The following TLN2 variants were observed in gnomAD, a reference collection of about 807,000 sequenced individuals.
The protein encoded by TLN2 is talin 2, also known as talin-2.
Under a neutral mutation model 294.7 loss-of-function variants are expected in TLN2, and 118 were observed. That is an observed-to-expected ratio of 0.40 (90% CI 0.34 to 0.47). TLN2 has a LOEUF of 0.47. Ranked by LOEUF, TLN2 falls within the 20% of genes least tolerant of loss-of-function variation. The probability of loss-of-function intolerance (pLI) is 0.84; values close to 1 mark genes in which losing one functional copy is unlikely to be tolerated. For synonymous variants in TLN2, 1,431 were observed against 1,304.5 expected (o/e 1.10, Z -2.09); for missense variants, 3,083 against 3,282.2 (o/e 0.94, Z 1.48).
chr15:62,659,554 C>G lies in TLN2; in HGVS notation c.788+1656C>G, dbSNP rs141849608. Among the ~76,000 whole-genome samples the G allele has an allele frequency of 1.3e-3, 194 of 152,250 alleles. 1 individual carries two copies. The highest frequency in any genetic ancestry group is 4.5e-3 in the Admixed American group (69 of 15,296). On this transcript the variant is annotated intron_variant, in intron 9 of 58. Transcript: ENST00000636159. ...AAAATTAGGTCCTGCAGTTTGTGGT[C>G]CTATTGAATGCTCCACACTCACACT...
chr15:62,797,903 A>T lies in TLN2; in HGVS notation c.6234+501A>T, dbSNP rs74801318. On this transcript the variant is annotated intron_variant, in intron 48 of 58. Transcript: ENST00000636159. ...AGCGACTGCAACCACACGAGAGGAA[A>T]AGCCAGGGAGTCGGGGCAGAGCCTG... Among the ~76,000 whole-genome samples, 644 of 152,256 alleles carry T rather than the reference A, an allele frequency of 4.2e-3. 5 individuals are homozygous for T. Among genetic ancestry groups the T allele is most frequent in the African/African-American group, 0.014 (586 of 41,554 alleles).
chr15:62,663,977 CTAAT>C (rs1337037228), intron 9 of TLN2, among the ~76,000 whole-genome samples: 1 of 151,852 alleles, frequency 6.6e-6, no homozygotes, highest in Non-Finnish European at 1.5e-5. Flanking sequence ...ATGGTAAAGA[CTAAT>C]TGAAGATATA....
intron 52 of TLN2, among the ~76,000 whole-genome samples, 162 bp downstream of exon 52, chr15:62,810,194 A>G (rs2066583294): frequency 6.6e-6 from 1 of 152,156 alleles, no homozygotes; most frequent in African/African-American, 2.4e-5. Flanking sequence ...TGATGCACTG[A>G]TCCGGCACAC....
intron 45 of TLN2, among the ~76,000 whole-genome samples, chr15:62,790,870 C>G (rs751955007): frequency 8.5e-5 from 13 of 152,256 alleles, no homozygotes; most frequent in Non-Finnish European, 1.5e-4. Context: ...TACTACTACA[C>G]CAGTCCAGAT....
rs1420167660 is a variant in TLN2, at chr15:62,843,755, G to A, written c.*3145G>A. ...AGAGAGTAAACCCCACCTCCAAAGT[G>A]ATGCCAAGGCCAAAACCTCATCAAG... On this transcript the variant is annotated 3_prime_UTR_variant, in exon 59 of 59. Transcript: ENST00000636159. 3 of 152,282 alleles carry A rather than the reference G, an allele frequency of 2.0e-5. No individual in the cohort carries two copies. The East Asian group carries it at 5.8e-4, about 29-fold the overall frequency. The allele number at this position is 152,282 out of a possible 1,614,324, so 9.4% of individuals were successfully genotyped here.
At position 62,656,027 on chromosome 15, in the gene TLN2, T is replaced by C; in HGVS notation, c.601T>C (p.Tyr201His). The change falls in exon 8 of 59, where the codon TAC becomes CAC. Residue 201 changes from tyrosine (Y) to histidine (H), a missense_variant. By Grantham distance (83) the Tyr-to-His change is moderately conservative. Transcript: ENST00000636159. ...GTTGCTGCTTAGACGGAAGTTCTTT[T>C]ACTCTGATCAGAATGTAGATTCGAG... ...ETLLLRRKFF[Y>H]SDQNVDSRDP... is the part of the protein sequence containing the mutation. 6.2e-7 allele frequency: 1 copy of C among 1,614,226 alleles called. No individual in the cohort carries two copies. Among genetic ancestry groups the C allele is most frequent in the Non-Finnish European group, 8.5e-7 (1 of 1,180,040 alleles).
At position 62,668,171 on chromosome 15, in the gene TLN2, C is replaced by G. The variant is rs183898497; in HGVS notation, c.789-5656C>G. On this transcript the variant is annotated intron_variant, in intron 9 of 58. Transcript: ENST00000636159. ...GGGCTATAGTTGATACTATTGTATA[C>G]TAGAAATTTGCAAAGAGTAAATTTT... Among the ~76,000 whole-genome samples, 66 of 152,082 alleles carry G rather than the reference C, an allele frequency of 4.3e-4. 1 individual carries two copies. The highest frequency in any genetic ancestry group is 1.5e-3 in the African/African-American group (64 of 41,470).
intron 3 of TLN2, among the ~76,000 whole-genome samples, chr15:62,625,894 C>T (rs550865646): frequency 6.6e-6 from 1 of 152,066 alleles, no homozygotes. Flanking sequence ...AGGGCCCACT[C>T]CTGTGTGAGT....
intron 37 of TLN2, among the ~76,000 whole-genome samples, chr15:62,755,993 C>G (rs1439326896): frequency 6.6e-6 from 1 of 152,156 alleles, no homozygotes; most frequent in East Asian, 1.9e-4. Flanking sequence ...TAGGGCCTCT[C>G]TTAGCACTGT....
chr15:62,748,487 G>T (rs753470041), intron 33 of TLN2, 43 bp downstream of exon 33: 10 of 1,417,218 alleles, frequency 7.1e-6, no homozygotes, highest in Non-Finnish European at 1.0e-5. Context: ...GAGAGGGAGT[G>T]TCTGTGTCTG....
At chr15:62,395,316 A>G (rs1235584938) in intron 1 of TLN2, among the ~76,000 whole-genome samples, 2 of 152,050 alleles carry the variant, frequency 1.3e-5, no homozygotes, top group Non-Finnish European at 2.9e-5. Flanking sequence ...GTGAGCAGGC[A>G]GTTCCCAGAA....
chr15:62,547,180 T>C (rs2140540095), intron 1 of TLN2, among the ~76,000 whole-genome samples: 1 of 152,340 alleles, frequency 6.6e-6, no homozygotes, highest in Non-Finnish European at 1.5e-5. Context: ...CATAGTGATT[T>C]TTAAAATTTT....
intron 45 of TLN2, among the ~76,000 whole-genome samples, chr15:62,788,370 C>G (rs139269879): frequency 6.6e-6 from 1 of 152,284 alleles, no homozygotes; most frequent in African/African-American, 2.4e-5. Flanking sequence ...ACAAAATGTT[C>G]TGGGAAATTG....
At chr15:62,405,999 G>A (rs371133923) in intron 1 of TLN2, among the ~76,000 whole-genome samples, 269 of 152,252 alleles carry the variant, frequency 1.8e-3, no homozygotes, top group African/African-American at 5.9e-3. Flanking sequence ...TGTGCCTGGT[G>A]AAGGGCCTAG....
chr15:62,546,205 G>A (rs889110711), intron 1 of TLN2, among the ~76,000 whole-genome samples: 1 of 152,194 alleles, frequency 6.6e-6, no homozygotes, highest in African/African-American at 2.4e-5. Flanking sequence ...TTCCTGACCT[G>A]TTGGTGACAG....
chr15:62,562,780 G>T (rs1039467179), intron 1 of TLN2, among the ~76,000 whole-genome samples: 1 of 152,052 alleles, frequency 6.6e-6, no homozygotes. Context: ...CCACTTACGA[G>T]TGAGAATATA....
intron 2 of TLN2, among the ~76,000 whole-genome samples, chr15:62,594,398 G>T (rs1227340877): frequency 6.6e-6 from 1 of 152,092 alleles, no homozygotes; most frequent in Non-Finnish European, 1.5e-5. Flanking sequence ...TGGAGAGAGA[G>T]GGTCTCCCTA....
At position 62,833,252 on chromosome 15, in the gene TLN2, G is replaced by C. The variant is rs1374391107; in HGVS notation, c.7003-252G>C. On this transcript the variant is annotated intron_variant, in intron 54 of 58. Coordinates refer to ENST00000636159, the MANE Select transcript of TLN2 (RefSeq NM_015059.3). ...GCCTGGCCATTGTCTCTTAATGCCT[G>C]AAAGGTACCAGCCACATCTTCCACA... The C allele has an allele frequency of 6.7e-6, 3 of 449,236 alleles. No homozygotes were observed. In the East Asian group the frequency reaches 1.1e-4, roughly 17 times the overall value. The allele number at this position is 449,236 out of a possible 1,614,324, so 27.8% of individuals were successfully genotyped here.
At chr15:62,609,693 T>A (rs2047753685) in intron 2 of TLN2, among the ~76,000 whole-genome samples, 1 of 152,204 alleles carries the variant, frequency 6.6e-6, no homozygotes, top group East Asian at 1.9e-4. Context: ...ATGTGTCCTG[T>A]TACCGATGGT....
Sources: gnomAD v4.1 joint callset for allele counts (sites outside exome capture counted in the v4.1 genomes callset) on GRCh38, gnomAD v4.1.1 for gene constraint, MANE v1.5 for transcripts, NCBI Gene and HGNC (gene_info 2026-07-23, HGNC 2026-07-21) for gene names.